FBXW7: variants seen among roughly 807,000 people sequenced by gnomAD.
FBXW7 encodes the protein F-box and WD repeat domain containing 7.
Under a neutral mutation model 86.3 loss-of-function variants are expected in FBXW7, and 11 were observed. The ratio of observed to expected loss-of-function variants is 0.13; its 90% CI spans 0.08 to 0.21. The LOEUF is 0.21. FBXW7 is among the 10% of genes least tolerant of loss of function. FBXW7 has a pLI of 1.00. For missense variants in FBXW7, 488 were observed against 847.4 expected (o/e 0.58, Z 5.27); for synonymous variants, 313 against 297.9 (o/e 1.05, Z -0.52).
chr4:152,395,787 T>G (rs542290700), intron 4 of FBXW7, among the ~76,000 whole-genome samples: 32 of 152,176 alleles, frequency 2.1e-4, no homozygotes, highest in Middle Eastern at 3.4e-3. Context: ...TGCATTTATT[T>G]CAGTTTCAGT....
At chr4:152,471,002 T>C (rs1223697413) in intron 2 of FBXW7, among the ~76,000 whole-genome samples, 2 of 152,124 alleles carry the variant, frequency 1.3e-5, no homozygotes, top group African/African-American at 2.4e-5. Flanking sequence ...TTAAAGAATC[T>C]GCAGAGTAAA....
intron 7 of FBXW7, 40 bp downstream of exon 7, chr4:152,337,762 C>A: frequency 1.3e-6 from 2 of 1,574,360 alleles, no homozygotes; most frequent in Admixed American, 1.8e-5. Context: ...GTTATATATT[C>A]AAATAACACC....
At chr4:152,499,365 T>C (rs916201799) in intron 2 of FBXW7, among the ~76,000 whole-genome samples, 3 of 152,190 alleles carry the variant, frequency 2.0e-5, no homozygotes, top group Admixed American at 6.5e-5. Context: ...CAAGGAATAC[T>C]AGGAAATTGA....
intron 4 of FBXW7, chr4:152,352,744 T>A (rs2126664939): frequency 6.2e-7 from 1 of 1,611,826 alleles, no homozygotes; most frequent in Non-Finnish European, 8.5e-7. Context: ...TACATGCAGC[T>A]TGACTGAGAA....
chr4:152,511,300 C>A (rs1359870123), intron 2 of FBXW7, among the ~76,000 whole-genome samples: 3 of 151,106 alleles, frequency 2.0e-5, no homozygotes, highest in Non-Finnish European at 4.4e-5. Context: ...CCGCCCCCCC[C>A]ACCGAATCCC....
intron 6 of FBXW7, among the ~76,000 whole-genome samples, chr4:152,346,104 G>C (rs888884021): frequency 1.3e-5 from 2 of 152,036 alleles, no homozygotes; most frequent in African/African-American, 4.8e-5. Flanking sequence ...TATCTTACTG[G>C]AAGAAGAGAT....
chr4:152,381,985 AAAAAGGTG>A (rs1311722198), intron 4 of FBXW7, among the ~76,000 whole-genome samples: 4 of 152,138 alleles, frequency 2.6e-5, no homozygotes, highest in African/African-American at 9.7e-5. Flanking sequence ...TAAATGAGAG[AAAAAGGTG>A]AACTGGGTAA....
chr4:152,418,164 A>AG, intron 2 of FBXW7, among the ~76,000 whole-genome samples: 1 of 142,286 alleles, frequency 7.0e-6, no homozygotes, highest in African/African-American at 2.7e-5. Context: ...CACACACACA[A>AG]AATCCACTTA....
intron 4 of FBXW7, among the ~76,000 whole-genome samples, chr4:152,351,562 T>C (rs1731818580): frequency 6.6e-6 from 1 of 152,116 alleles, no homozygotes; most frequent in South Asian, 2.1e-4. Flanking sequence ...AGTATATAGG[T>C]AGCCACGTGT....
At chr4:152,333,354 A>C (rs1425591596) in intron 7 of FBXW7, among the ~76,000 whole-genome samples, 2 of 152,108 alleles carry the variant, frequency 1.3e-5, no homozygotes, top group African/African-American at 4.8e-5. Context: ...TGGGCCACAT[A>C]AGAGTTGTAT....
intron 2 of FBXW7, among the ~76,000 whole-genome samples, chr4:152,415,929 C>T (rs1219741052): frequency 6.6e-6 from 1 of 152,100 alleles, no homozygotes; most frequent in East Asian, 1.9e-4. Context: ...AAATAATACC[C>T]CCCAGCATCA....
At chr4:152,471,215 C>A (rs905596450) in intron 2 of FBXW7, among the ~76,000 whole-genome samples, 5 of 151,246 alleles carry the variant, frequency 3.3e-5, no homozygotes, top group Non-Finnish European at 4.4e-5. Context: ...ATATTAGAGA[C>A]CTATATATAT....
chr4:152,429,108 T>TG (rs1396775703), intron 2 of FBXW7, among the ~76,000 whole-genome samples: 1 of 152,150 alleles, frequency 6.6e-6, no homozygotes, highest in African/African-American at 2.4e-5. Context: ...GAGAATCACT[T>TG]GAACCTGGGA....
At chr4:152,382,363 C>G in intron 4 of FBXW7, 4 of 1,544,038 alleles carry the variant, frequency 2.6e-6, no homozygotes, top group Non-Finnish European at 3.5e-6. Flanking sequence ...TTGACGAATA[C>G]TCTCTACATG....
chr4:152,515,275 A>C (rs1301406650), intron 2 of FBXW7, among the ~76,000 whole-genome samples: 3 of 152,214 alleles, frequency 2.0e-5, no homozygotes, highest in Non-Finnish European at 4.4e-5. Flanking sequence ...ATACTAAAAA[A>C]TGCAAACTAA....
intron 2 of FBXW7, among the ~76,000 whole-genome samples, chr4:152,485,348 G>A (rs1040639981): frequency 6.6e-6 from 1 of 151,900 alleles, no homozygotes; most frequent in African/African-American, 2.4e-5. Flanking sequence ...TACCTTCACT[G>A]GGCTATACGC....
chr4:152,375,235 T>C (rs1734389917), intron 4 of FBXW7, among the ~76,000 whole-genome samples: 1 of 152,082 alleles, frequency 6.6e-6, no homozygotes, highest in Non-Finnish European at 1.5e-5. Flanking sequence ...TAGAGATTAT[T>C]AATAGCTATA....
intron 6 of FBXW7, among the ~76,000 whole-genome samples, chr4:152,345,479 G>C (rs1731174581): frequency 6.6e-6 from 1 of 151,914 alleles, no homozygotes; most frequent in Non-Finnish European, 1.5e-5. Context: ...GACATTTTGG[G>C]CTGGATAATT....
intron 2 of FBXW7, among the ~76,000 whole-genome samples, chr4:152,479,148 A>C (rs1352812268): frequency 6.6e-6 from 1 of 152,164 alleles, no homozygotes; most frequent in Non-Finnish European, 1.5e-5. Flanking sequence ...AGTTACACAT[A>C]AGCTGAGCTT....
Sources: allele counts gnomAD v4.1 joint callset (sites outside exome capture counted in the v4.1 genomes callset), GRCh38; gene constraint gnomAD v4.1.1; transcripts MANE v1.5; gene names NCBI Gene and HGNC (gene_info 2026-07-23, HGNC 2026-07-21).